NR2F1-AS1: variants seen among roughly 807,000 people sequenced by gnomAD.
NR2F1-AS1 encodes the protein NR2F1 regulatory antisense RNA 1.
intron 4 of NR2F1-AS1, among the ~76,000 whole-genome samples, chr5:93,482,017 C>T (rs1750610500): frequency 6.6e-6 from 1 of 151,788 alleles, no homozygotes; most frequent in South Asian, 2.1e-4. Context: ...GTGCAAATTA[C>T]ACCCAAAACA....
chr5:93,506,193 C>T (rs1751181940), intron 4 of NR2F1-AS1, among the ~76,000 whole-genome samples: 1 of 152,194 alleles, frequency 6.6e-6, no homozygotes, highest in Admixed American at 6.5e-5. Flanking sequence ...ACAAGAGTCA[C>T]CTTTGCTCCA....
chr5:93,445,210 C>T (rs528865219), intron 4 of NR2F1-AS1, among the ~76,000 whole-genome samples: 1 of 152,170 alleles, frequency 6.6e-6, no homozygotes, highest in Admixed American at 6.5e-5. Context: ...CAGAGCAGAA[C>T]TGAAGGAGAT....
chr5:93,417,384 G>A (rs1327684423), intron 4 of NR2F1-AS1, among the ~76,000 whole-genome samples: 1 of 152,202 alleles, frequency 6.6e-6, no homozygotes, highest in Non-Finnish European at 1.5e-5. Flanking sequence ...GTGAAGGAAG[G>A]AAGAACAGTG....
intron 3 of NR2F1-AS1, chr5:93,554,853 G>A (rs1019011036): frequency 4.6e-5 from 7 of 152,136 alleles, no homozygotes; most frequent in South Asian, 2.1e-4. Context: ...GGATGATGTG[G>A]AAAAGTACAA....
chr5:93,503,109 A>C (rs1280120607), intron 4 of NR2F1-AS1, among the ~76,000 whole-genome samples: 1 of 152,230 alleles, frequency 6.6e-6, no homozygotes, highest in Non-Finnish European at 1.5e-5. Context: ...TTATAAAGCA[A>C]AACTGAATCA....
chr5:93,515,720 T>C (rs943561130), intron 4 of NR2F1-AS1, among the ~76,000 whole-genome samples: 3 of 151,900 alleles, frequency 2.0e-5, no homozygotes, highest in African/African-American at 7.2e-5. Context: ...CTTTCCTGTC[T>C]GCAGTATAAA....
intron 4 of NR2F1-AS1, among the ~76,000 whole-genome samples, chr5:93,414,626 G>C (rs181441742): frequency 6.6e-6 from 1 of 152,138 alleles, no homozygotes. Flanking sequence ...TGTCATTTCT[G>C]TCTTGCCACT....
intron 4 of NR2F1-AS1, among the ~76,000 whole-genome samples, chr5:93,441,188 T>C (rs1749560679): frequency 1.3e-5 from 2 of 152,294 alleles, no homozygotes; most frequent in East Asian, 1.9e-4. Context: ...AGAACGAAGA[T>C]GGTGAAGATA....
intron 4 of NR2F1-AS1, among the ~76,000 whole-genome samples, chr5:93,496,327 C>A (rs190055597): frequency 1.1e-3 from 163 of 152,216 alleles, no homozygotes; most frequent in Middle Eastern, 3.4e-3. Context: ...ATTAGTGAAC[C>A]ACATCCTATA....
intron 1 of NR2F1-AS1, among the ~76,000 whole-genome samples, chr5:93,575,674 A>G (rs1327067920): frequency 6.6e-6 from 1 of 152,202 alleles, no homozygotes; most frequent in Non-Finnish European, 1.5e-5. Flanking sequence ...AACAGAAAGG[A>G]AATAAGATGA....
intron 4 of NR2F1-AS1, among the ~76,000 whole-genome samples, chr5:93,459,782 G>T (rs949329394): frequency 3.3e-5 from 5 of 151,970 alleles, no homozygotes; most frequent in African/African-American, 2.4e-5. Context: ...CTTGACCCAT[G>T]AATTTCAAAA....
At chr5:93,485,945 G>T (rs1475180749) in intron 4 of NR2F1-AS1, among the ~76,000 whole-genome samples, 22 of 138,144 alleles carry the variant, frequency 1.6e-4, no homozygotes, top group Admixed American at 3.8e-4. Flanking sequence ...AAAAAATGAT[G>T]AGTTCATGTC....
intron 2 of NR2F1-AS1, among the ~76,000 whole-genome samples, chr5:93,562,301 C>T (rs1178006025): frequency 1.3e-5 from 2 of 151,900 alleles, no homozygotes; most frequent in African/African-American, 2.4e-5. Context: ...TTTAGGCTGT[C>T]CCCAAATTAC....
At chr5:93,574,358 C>T (rs759392636) in intron 1 of NR2F1-AS1, among the ~76,000 whole-genome samples, 8 of 152,180 alleles carry the variant, frequency 5.3e-5, no homozygotes, top group Non-Finnish European at 7.3e-5. Flanking sequence ...GAGAAAACTG[C>T]TCAGTTCATG....
intron 4 of NR2F1-AS1, among the ~76,000 whole-genome samples, chr5:93,423,516 A>G (rs918409253): frequency 2.0e-5 from 3 of 152,212 alleles, no homozygotes; most frequent in African/African-American, 7.2e-5. Context: ...TCCTGAATAC[A>G]GACTCAAACA....
intron 4 of NR2F1-AS1, among the ~76,000 whole-genome samples, chr5:93,416,099 T>TA (rs2149840307): frequency 6.6e-6 from 1 of 152,258 alleles, no homozygotes; most frequent in Admixed American, 6.5e-5. Context: ...TTACAGTACT[T>TA]ACATTTCTCA....
chr5:93,564,601 TAGAAACA>T (rs1265518969), intron 1 of NR2F1-AS1, among the ~76,000 whole-genome samples: 3 of 152,198 alleles, frequency 2.0e-5, no homozygotes, highest in Non-Finnish European at 4.4e-5. Context: ...GGCTACTGAA[TAGAAACA>T]AGAAACAAGC....
intron 4 of NR2F1-AS1, among the ~76,000 whole-genome samples, chr5:93,465,967 TAATGTA>T (rs1445071793): frequency 6.6e-6 from 1 of 151,968 alleles, no homozygotes; most frequent in Non-Finnish European, 1.5e-5. Context: ...GAGAAATGCC[TAATGTA>T]AATGACGAGT....
At chr5:93,547,398 AT>A (rs1279920519) in intron 4 of NR2F1-AS1, among the ~76,000 whole-genome samples, 3 of 152,192 alleles carry the variant, frequency 2.0e-5, no homozygotes, top group Non-Finnish European at 4.4e-5. Context: ...TCCAGCCAAC[AT>A]CTATCACCAT....
Sources: allele counts gnomAD v4.1 joint callset (sites outside exome capture counted in the v4.1 genomes callset), GRCh38; gene constraint gnomAD v4.1.1; transcripts MANE v1.5; gene names NCBI Gene and HGNC (gene_info 2026-07-23, HGNC 2026-07-21).